ARHGAP44: variants seen among roughly 807,000 people sequenced by gnomAD.
ARHGAP44 encodes Rho GTPase activating protein 44.
ARHGAP44 carries 43 observed loss-of-function variants against 106.8 expected under a neutral mutation model. The observed-to-expected ratio is 0.40, with a 90% CI of 0.32 to 0.52. The LOEUF is 0.52. Among genes scored for constraint, ARHGAP44 ranks in the 20% least tolerant of loss-of-function variants. The pLI is 0.48. For synonymous variants in ARHGAP44, 439 were observed against 410.3 expected (o/e 1.07, Z -0.85); for missense variants, 866 against 1,050.5 (o/e 0.82, Z 2.43).
rs141889994 is a variant in ARHGAP44 at position 12,804,527 on chromosome 17, C to G, written c.53+14636C>G. Among the ~76,000 whole-genome samples the G allele has an allele frequency of 1.1e-3, 160 of 152,334 alleles. 5 individuals are homozygous for G. The highest frequency in any genetic ancestry group is 6.8e-3 in the Middle Eastern group (2 of 294). Reference sequence around the variant, plus strand: ...GGAAAGTATTCAAGTAAACAGCCAACACTATCCACTGTGACTTGGTTTAAG... The same window carrying G: ...GGAAAGTATTCAAGTAAACAGCCAAGACTATCCACTGTGACTTGGTTTAAG... On this transcript the variant is annotated intron_variant, in intron 1 of 20. Transcript: ENST00000379672.
At chr17:12,843,563 T>C (rs2035479909) in intron 1 of ARHGAP44, among the ~76,000 whole-genome samples, 1 of 152,164 alleles carries the variant, frequency 6.6e-6, no homozygotes, top group African/African-American at 2.4e-5. Flanking sequence ...TTCTTATGTC[T>C]AGTAATTTTG....
intron 1 of ARHGAP44, among the ~76,000 whole-genome samples, chr17:12,829,702 G>C (rs1003448794): frequency 6.6e-6 from 1 of 151,808 alleles, no homozygotes; most frequent in African/African-American, 2.4e-5. Flanking sequence ...TTCTTCTTTT[G>C]CATCATACCT....
At chr17:12,928,615 T>A (rs1288355758) in intron 6 of ARHGAP44, among the ~76,000 whole-genome samples, 2 of 152,206 alleles carry the variant, frequency 1.3e-5, no homozygotes, top group South Asian at 4.1e-4. Context: ...TTAATTTTTT[T>A]AAAAAGACAG....
chr17:12,902,112 T>A (rs970840505), intron 3 of ARHGAP44, among the ~76,000 whole-genome samples: 1 of 152,172 alleles, frequency 6.6e-6, no homozygotes, highest in Non-Finnish European at 1.5e-5. Flanking sequence ...GGGATTCCCT[T>A]TGTAGAATAA....
chr17:12,938,582 TAAAAA>T (rs67037408), intron 7 of ARHGAP44, among the ~76,000 whole-genome samples: 1 of 127,002 alleles, frequency 7.9e-6, no homozygotes, highest in African/African-American at 2.8e-5. Context: ...AGCTATATAT[TAAAAA>T]AAAAAAAAAA....
chr17:12,838,908 T>A (rs961627659), intron 1 of ARHGAP44, among the ~76,000 whole-genome samples: 2 of 152,152 alleles, frequency 1.3e-5, no homozygotes, highest in African/African-American at 4.8e-5. Flanking sequence ...GGTTTCACCA[T>A]GTTGGCCAGG....
In ARHGAP44 at chr17:12,789,787, G is replaced by A. The variant is rs2033676636; in HGVS notation, c.-52G>A. ...GCCATGTAACCCTGCGGCGGGCTCC[G>A]GGCTGCTCCGTCCTTCCCCAGCTCC... is the stretch of plus-strand genomic sequence containing the variant. On this transcript the variant is annotated 5_prime_UTR_variant, in exon 1 of 21. Coordinates refer to ENST00000379672, the MANE Select transcript of ARHGAP44 (RefSeq NM_014859.6). 4 of 1,471,052 alleles carry A rather than the reference G, an allele frequency of 2.7e-6. No individual in the cohort carries two copies. Among genetic ancestry groups the A allele is most frequent in the Non-Finnish European group, 9.0e-7 (1 of 1,111,310 alleles). The allele number at this position is 1,471,052 out of a possible 1,614,324, so 91.1% of individuals were successfully genotyped here.
At chr17:12,946,659 C>T (rs778716553) in intron 10 of ARHGAP44, among the ~76,000 whole-genome samples, 33 of 151,646 alleles carry the variant, frequency 2.2e-4, no homozygotes, top group Non-Finnish European at 4.1e-4. Context: ...ATTAGCTGGG[C>T]ATAGTGGCAC....
rs903833067 is a variant in ARHGAP44 at position 12,859,206 on chromosome 17, G to A, written c.54-35734G>A. The stretch of plus-strand genomic sequence containing the variant: ...ACAACATAAGGAGAATGCCATCTAC[G>A]AGCCAAGGAATGCTTGCAGCCACCA... On this transcript the variant is annotated intron_variant, in intron 1 of 20. Coordinates refer to ENST00000379672, the MANE Select transcript of ARHGAP44 (RefSeq NM_014859.6). 5.9e-5 allele frequency among the ~76,000 whole-genome samples: 9 copies of A among 152,120 alleles called. 1 individual carries two copies. Among genetic ancestry groups the A allele is most frequent in the South Asian group, 2.1e-4 (1 of 4,824 alleles).
chr17:12,944,642 C>A lies in ARHGAP44; in HGVS notation c.861+446C>A, dbSNP rs1456063996. Among the ~76,000 whole-genome samples, 9 of 145,444 alleles carry A rather than the reference C, an allele frequency of 6.2e-5. No homozygotes were observed. In the South Asian group the frequency reaches 1.8e-3, roughly 30 times the overall value. On this transcript the variant is annotated intron_variant, in intron 10 of 20. Coordinates refer to ENST00000379672, the MANE Select transcript of ARHGAP44 (RefSeq NM_014859.6). The stretch of plus-strand genomic sequence containing the variant: ...CTGGGACTACAGGCGTGTGCCACCA[C>A]GCCCAGCTAATTTTTTTTTTTTTTT...
chr17:12,845,439 C>T (rs1457666824), intron 1 of ARHGAP44, among the ~76,000 whole-genome samples: 4 of 141,316 alleles, frequency 2.8e-5, no homozygotes, highest in African/African-American at 5.4e-5. Flanking sequence ...AATCGGGAGG[C>T]GGAGGTTGCA....
At chr17:12,979,250 G>C (rs2039771907) in intron 18 of ARHGAP44, among the ~76,000 whole-genome samples, 1 of 152,150 alleles carries the variant, frequency 6.6e-6, no homozygotes, top group Non-Finnish European at 1.5e-5. Context: ...ACAAATCCCT[G>C]GTTTGTGGTG....
chr17:12,984,935 T>A, intron 20 of ARHGAP44, 27 bp downstream of exon 20: 1 of 1,574,322 alleles, frequency 6.4e-7, no homozygotes, highest in Non-Finnish European at 8.6e-7. Context: ...CTCCCTCACT[T>A]TTTTTTATGA....
chr17:12,890,623 G>A (rs2037016372), intron 1 of ARHGAP44, among the ~76,000 whole-genome samples: 1 of 152,166 alleles, frequency 6.6e-6, no homozygotes, highest in Non-Finnish European at 1.5e-5. Flanking sequence ...TATCTTGGAG[G>A]TAATTCTCTC....
intron 3 of ARHGAP44, among the ~76,000 whole-genome samples, chr17:12,902,139 C>A (rs2037391951): frequency 6.6e-6 from 1 of 152,176 alleles, no homozygotes; most frequent in Non-Finnish European, 1.5e-5. Flanking sequence ...AACTCCTTAT[C>A]TTGGCCCTTG....
chr17:12,974,043 T>G, intron 17 of ARHGAP44, 46 bp from the exon 18 acceptor site: 1 of 1,532,828 alleles, frequency 6.5e-7, no homozygotes, highest in Non-Finnish European at 8.8e-7. Flanking sequence ...CTGTCTCCTG[T>G]CATCTGTTAC....
intron 5 of ARHGAP44, among the ~76,000 whole-genome samples, chr17:12,918,016 A>T (rs984950448): frequency 3.3e-5 from 5 of 152,158 alleles, no homozygotes; most frequent in African/African-American, 1.2e-4. Flanking sequence ...AAAATCGTGG[A>T]TGAAGTTCTT....
chr17:12,880,897 T>C (rs934136266), intron 1 of ARHGAP44, among the ~76,000 whole-genome samples: 5 of 152,184 alleles, frequency 3.3e-5, no homozygotes, highest in African/African-American at 7.2e-5. Flanking sequence ...TCTCCACCAA[T>C]TGGAATTGTC....
chr17:12,798,217 G>C (rs1203535591), intron 1 of ARHGAP44, among the ~76,000 whole-genome samples: 1 of 152,012 alleles, frequency 6.6e-6, no homozygotes, highest in Admixed American at 6.6e-5. Context: ...GCATTGTCTA[G>C]GACTTATAGA....
Sources: allele counts gnomAD v4.1 joint callset (sites outside exome capture counted in the v4.1 genomes callset), GRCh38; gene constraint gnomAD v4.1.1; transcripts MANE v1.5; gene names NCBI Gene and HGNC (gene_info 2026-07-23, HGNC 2026-07-21).